TNNI3K: variants seen among roughly 807,000 people sequenced by gnomAD.
TNNI3K encodes the protein TNNI3 interacting kinase, also known as serine/threonine-protein kinase TNNI3K.
A neutral mutation model predicts 114.5 loss-of-function variants in TNNI3K; 140 were observed. That is an observed-to-expected ratio of 1.22 (90% CI 1.07 to 1.41). TNNI3K has a LOEUF of 1.41. TNNI3K is among the 40% of genes most tolerant of loss of function. The pLI is 0.00. For missense variants in TNNI3K, 1,125 were observed against 1,007.6 expected, an observed-to-expected ratio of 1.12 and a Z score of -1.58; for synonymous variants, 347 against 347.5, an observed-to-expected ratio of 1.00 and a Z score of 0.02.
chr1:74,341,785 G>C (rs1449135528), intron 7 of TNNI3K: 1 of 152,102 alleles, frequency 6.6e-6, no homozygotes, highest in Non-Finnish European at 1.5e-5. Context: ...CACATAAACT[G>C]TTGTGCTTCT....
intron 17 of TNNI3K, among the ~76,000 whole-genome samples, chr1:74,391,752 A>G (rs958743378): frequency 5.9e-5 from 9 of 152,124 alleles, no homozygotes; most frequent in Non-Finnish European, 1.3e-4. Context: ...AGGACCTAAG[A>G]CAGAGGAGTG....
chr1:74,517,466 G>C (rs1218701495), intron 23 of TNNI3K, among the ~76,000 whole-genome samples: 1 of 152,206 alleles, frequency 6.6e-6, no homozygotes, highest in African/African-American at 2.4e-5. Context: ...AGGCTGGACA[G>C]GAAATGGTAA....
chr1:74,405,538 G>C (rs955671889), intron 17 of TNNI3K, among the ~76,000 whole-genome samples: 1 of 152,110 alleles, frequency 6.6e-6, no homozygotes, highest in Non-Finnish European at 1.5e-5. Context: ...GAACTAGAGA[G>C]GTTTTTAAAA....
intron 5 of TNNI3K, among the ~76,000 whole-genome samples, chr1:74,305,861 C>G (rs1409797720): frequency 6.6e-6 from 1 of 151,368 alleles, no homozygotes; most frequent in African/African-American, 2.4e-5. Context: ...GGAACCAAAG[C>G]TTATTCTTTC....
At chr1:74,362,768 A>C (rs946480200) in intron 11 of TNNI3K, among the ~76,000 whole-genome samples, 1 of 152,146 alleles carries the variant, frequency 6.6e-6, no homozygotes, top group Non-Finnish European at 1.5e-5. Context: ...GGGAGAAATC[A>C]CACCAAATAT....
intron 17 of TNNI3K, among the ~76,000 whole-genome samples, chr1:74,381,827 A>C (rs1461428716): frequency 2.6e-5 from 4 of 152,232 alleles, no homozygotes; most frequent in Non-Finnish European, 5.9e-5. Context: ...GCTCCTTCAC[A>C]AAACTTAAAG....
At chr1:74,463,842 G>C (rs1389055622) in intron 21 of TNNI3K, among the ~76,000 whole-genome samples, 1 of 152,180 alleles carries the variant, frequency 6.6e-6, no homozygotes, top group African/African-American at 2.4e-5. Context: ...TTAACTACGC[G>C]TGAGCCACAC....
chr1:74,449,310 T>A (rs948603294), intron 20 of TNNI3K, among the ~76,000 whole-genome samples: 1 of 151,076 alleles, frequency 6.6e-6, no homozygotes, highest in Non-Finnish European at 1.5e-5. Context: ...GGTGGTGATA[T>A]CCCCTTTATC....
At chr1:74,475,363 T>G in intron 21 of TNNI3K, 1 of 716,196 alleles carries the variant, frequency 1.4e-6, no homozygotes, top group Non-Finnish European at 2.6e-6. Context: ...ATTCCATAGC[T>G]TTTGAACTTT....
At chr1:74,465,681 C>T (rs1424744100) in intron 21 of TNNI3K, among the ~76,000 whole-genome samples, 5 of 152,190 alleles carry the variant, frequency 3.3e-5, no homozygotes, top group Non-Finnish European at 4.4e-5. Flanking sequence ...CTGCCCACGG[C>T]CCTGGCCAGG....
At chr1:74,252,945 C>A (rs1655033819) in intron 4 of TNNI3K, among the ~76,000 whole-genome samples, 1 of 152,140 alleles carries the variant, frequency 6.6e-6, no homozygotes, top group African/African-American at 2.4e-5. Flanking sequence ...CTTATCTGGC[C>A]CCCACCCACA....
At chr1:74,350,167 T>C (rs533917339) in intron 9 of TNNI3K, among the ~76,000 whole-genome samples, 124 of 152,360 alleles carry the variant, frequency 8.1e-4, no homozygotes, top group Admixed American at 5.0e-3. Flanking sequence ...TTCTGGTATG[T>C]TGTGTCTTTG....
intron 2 of TNNI3K, among the ~76,000 whole-genome samples, chr1:74,236,947 A>G (rs975564769): frequency 4.6e-5 from 7 of 151,928 alleles, no homozygotes; most frequent in African/African-American, 1.7e-4. Flanking sequence ...CCAATTAGCC[A>G]TGTTCATTTA....
At chr1:74,489,764 T>C (rs1668957308) in intron 22 of TNNI3K, among the ~76,000 whole-genome samples, 1 of 152,198 alleles carries the variant, frequency 6.6e-6, no homozygotes, top group Admixed American at 6.5e-5. Flanking sequence ...TAAAGCTGTT[T>C]GCTTTAAGTT....
chr1:74,330,740 A>G (rs904702195), intron 5 of TNNI3K, among the ~76,000 whole-genome samples: 1 of 152,138 alleles, frequency 6.6e-6, no homozygotes, highest in Non-Finnish European at 1.5e-5. Context: ...ACAAATACCA[A>G]TCTATGGCTT....
At chr1:74,486,397 C>A (rs987147995) in intron 21 of TNNI3K, among the ~76,000 whole-genome samples, 1 of 151,874 alleles carries the variant, frequency 6.6e-6, no homozygotes, top group Non-Finnish European at 1.5e-5. Context: ...GCTACTTGAT[C>A]ATTCAGATAC....
At chr1:74,395,462 A>T (rs1664029020) in intron 17 of TNNI3K, among the ~76,000 whole-genome samples, 1 of 152,152 alleles carries the variant, frequency 6.6e-6, no homozygotes, top group Admixed American at 6.5e-5. Flanking sequence ...TGAGACTGTT[A>T]TTCAGGAGAT....
chr1:74,354,171 CTG>C (rs1182383037), intron 11 of TNNI3K, 42 bp downstream of exon 11: 1 of 1,611,680 alleles, frequency 6.2e-7, no homozygotes. Context: ...ATACATTGAA[CTG>C]TGTGCATAGA....
At chr1:74,339,523 A>G (rs569542209) in intron 7 of TNNI3K, among the ~76,000 whole-genome samples, 1 of 152,262 alleles carries the variant, frequency 6.6e-6, no homozygotes, top group South Asian at 2.1e-4. Flanking sequence ...AAGATTAAAT[A>G]AATGACCCCA....
Sources: gnomAD v4.1 joint callset for allele counts (sites outside exome capture counted in the v4.1 genomes callset) on GRCh38, gnomAD v4.1.1 for gene constraint, MANE v1.5 for transcripts, NCBI Gene and HGNC (gene_info 2026-07-23, HGNC 2026-07-21) for gene names.